Variants in SPDYE18 observed in about 807,000 individuals in gnomAD.
SPDYE18 encodes the protein speedy/RINGO cell cycle regulator family member E18, also known as speedy protein E18.
SPDYE18 carries 6 observed loss-of-function variants against 44.9 expected under a neutral mutation model. The ratio of observed to expected loss-of-function variants is 0.13; its 90% confidence interval spans 0.07 to 0.26. The LOEUF is 0.26. Among genes scored for constraint, SPDYE18 ranks in the 10% least tolerant of loss-of-function variants. The probability of loss-of-function intolerance (pLI) is 1.00; values close to 1 mark genes in which losing one functional copy is unlikely to be tolerated. For missense variants in SPDYE18, 121 were observed against 463.2 expected (o/e 0.26, Z 6.78); for synonymous variants, 35 against 177.1 (o/e 0.20, Z 6.37).
intron 6 of SPDYE18, among the ~76,000 whole-genome samples, chr7:77,054,960 G>A (rs1486753502): frequency 1.3e-5 from 2 of 152,176 alleles, no homozygotes; most frequent in East Asian, 1.9e-4. Context: ...TAGAGACGGG[G>A]TTTGGCCATG....
chr7:77,061,012 A>ACG (rs1296069257), intron 1 of SPDYE18, among the ~76,000 whole-genome samples, 79 bp from the exon 2 acceptor site: 13 of 130,908 alleles, frequency 9.9e-5, no homozygotes, highest in East Asian at 2.7e-4. Flanking sequence ...TGAGATTATC[A>ACG]TGTACAAGAG....
intron 2 of SPDYE18, among the ~76,000 whole-genome samples, chr7:77,060,104 TCC>T: frequency 6.7e-6 from 1 of 148,988 alleles, no homozygotes; most frequent in South Asian, 2.2e-4. Flanking sequence ...CAAGTGATTC[TCC>T]TGTCTCAGCC....
chr7:77,052,927 C>CCCAACTCCT, intron 7 of SPDYE18, 33 bp downstream of exon 7: 1 of 1,608,850 alleles, frequency 6.2e-7, no homozygotes, highest in African/African-American at 1.3e-5. Flanking sequence ...CCGATTCCTC[C>CCCAACTCCT]CCACCTCCTC....
intron 8 of SPDYE18, among the ~76,000 whole-genome samples, chr7:77,052,242 G>A (rs1308483992): frequency 6.6e-6 from 1 of 151,358 alleles, no homozygotes; most frequent in Non-Finnish European, 1.5e-5. Flanking sequence ...CATGCTAGAT[G>A]TGTTTCTAAT....
chr7:77,052,615 G>C (rs1306400228), intron 8 of SPDYE18, among the ~76,000 whole-genome samples, 118 bp downstream of exon 8: 2 of 152,292 alleles, frequency 1.3e-5, no homozygotes, highest in African/African-American at 2.4e-5. Context: ...TTGTATTTTT[G>C]TGGAGAGGGG....
intron 6 of SPDYE18, among the ~76,000 whole-genome samples, chr7:77,053,636 T>C (rs2117314428): frequency 6.6e-6 from 1 of 152,384 alleles, no homozygotes; most frequent in Admixed American, 6.5e-5. Context: ...GACCAGGAGT[T>C]GGAGACCAGC....
chr7:77,053,258 C>T (rs1789847821), intron 6 of SPDYE18, 55 bp from the exon 7 acceptor site: 3 of 1,606,900 alleles, frequency 1.9e-6, no homozygotes, highest in Non-Finnish European at 2.5e-6. Flanking sequence ...AGGCCTCCGG[C>T]TGAGGTCAGC....
rs1490722033 is a variant in SPDYE18 at position 77,051,458 on chromosome 7, C to A, written c.*467G>T. 3.3e-5 allele frequency among the ~76,000 whole-genome samples: 5 copies of A among 152,274 alleles called. No homozygotes were observed. Among genetic ancestry groups the A allele is most frequent in the Admixed American group, 6.5e-5 (1 of 15,290 alleles). ...AGAGTGTGCATGAAGCTATCTGTTA[C>A]AATCTGTGGCACTGATATTTCACAA... On this transcript the variant is annotated 3_prime_UTR_variant, in exon 9 of 9. Coordinates refer to ENST00000510091, the MANE Select transcript of SPDYE18 (RefSeq NM_001394953.1).
At chr7:77,060,007 C>A (rs1005605655) in intron 2 of SPDYE18, among the ~76,000 whole-genome samples, 2 of 143,770 alleles carry the variant, frequency 1.4e-5, no homozygotes, top group African/African-American at 5.3e-5. Context: ...GACCGCTGAC[C>A]CTTCTTTTCT....
In SPDYE18 at chr7:77,053,068, C is replaced by T. The variant is rs193157088; in HGVS notation, c.891G>A (p.Pro297=). Residue 297 remains proline, a synonymous_variant, in exon 7 of 9, where the codon CCG becomes CCA. Transcript: ENST00000510091. The part of the protein sequence containing the change: ...RRFQLCRCLN[P]RARKNRSQIA... The stretch of plus-strand genomic sequence containing the variant: ...TCTGAGAGCGGTTCTTCCTGGCCCT[C>T]GGGTTCAAGCAACGGCATAACTGGA... 531 of 1,614,180 alleles carry T rather than the reference C, an allele frequency of 3.3e-4. No individual in the cohort carries two copies. The highest frequency in any genetic ancestry group is 8.3e-4 in the Middle Eastern group (5 of 6,024).
At chr7:77,053,568 G>A (rs1378945167) in intron 6 of SPDYE18, among the ~76,000 whole-genome samples, 8 of 152,376 alleles carry the variant, frequency 5.3e-5, no homozygotes, top group East Asian at 1.9e-4. Flanking sequence ...TGCCAGACGC[G>A]GTGGCTCATG....
In SPDYE18 at chr7:77,051,037, A is replaced by G. The variant is rs1789784346; in HGVS notation, c.*888T>C. ...TTAGTATATATATCTGAGACATGTT[A>G]AAAATCACAACTGAATTCTCACAAT... On this transcript the variant is annotated 3_prime_UTR_variant, in exon 9 of 9. Transcript: ENST00000510091. Among the ~76,000 whole-genome samples the G allele has an allele frequency of 6.6e-6, 1 of 151,928 alleles. No homozygotes were observed. The highest frequency in any genetic ancestry group is 2.1e-4 in the South Asian group (1 of 4,836).
At chr7:77,057,153 T>C (rs1483403356) in intron 4 of SPDYE18, among the ~76,000 whole-genome samples, 3 of 152,296 alleles carry the variant, frequency 2.0e-5, no homozygotes, top group Admixed American at 1.3e-4. Context: ...TGCAGTGGCC[T>C]GATCTTGGCT....
intron 3 of SPDYE18, 128 bp downstream of exon 3, chr7:77,059,052 T>A: frequency 6.7e-7 from 1 of 1,493,964 alleles, no homozygotes; most frequent in Non-Finnish European, 8.9e-7. Context: ...TGATCACTTC[T>A]GAGTCCTCCT....
At chr7:77,054,892 C>T (rs1384109539) in intron 6 of SPDYE18, among the ~76,000 whole-genome samples, 5 of 152,196 alleles carry the variant, frequency 3.3e-5, no homozygotes, top group African/African-American at 1.2e-4. Flanking sequence ...CTCAGCCTCC[C>T]AAGTAGCTGG....
At chr7:77,054,654 G>A (rs1258310923) in intron 6 of SPDYE18, among the ~76,000 whole-genome samples, 1 of 152,224 alleles carries the variant, frequency 6.6e-6, no homozygotes, top group African/African-American at 2.4e-5. Context: ...CTGCTTGCTG[G>A]AGGAAGCGGC....
In SPDYE18 at chr7:77,060,436, G is replaced by C; in HGVS notation, c.77C>G (p.Pro26Arg). 6.5e-7 allele frequency: 1 copy of C among 1,535,490 alleles called. No homozygotes were observed. Among genetic ancestry groups the C allele is most frequent in the Non-Finnish European group, 8.7e-7 (1 of 1,146,830 alleles). Residue 26 changes from proline (P) to arginine (R), a missense_variant, in exon 2 of 9, where the codon CCC (proline) becomes CGC (arginine). By Grantham distance (103) the Pro-to-Arg change is moderately radical. Coordinates refer to ENST00000510091, the MANE Select transcript of SPDYE18 (RefSeq NM_001394953.1). Reference sequence around the variant, plus strand: ...CCGCTGGAGACTCTGCTCATTCTGGGGGTGCGGTTGACGGCTGGTCGTGAT... The same window carrying C: ...CCGCTGGAGACTCTGCTCATTCTGGCGGTGCGGTTGACGGCTGGTCGTGAT... ...GKITTSRQPH[P>R]QNEQSLQRST...
rs1406597578 is a variant in SPDYE18 at position 77,062,137 on chromosome 7, T to A, written c.-422+359A>T. On this transcript the variant is annotated intron_variant, in intron 1 of 8. Transcript: ENST00000510091. ...GAGCAAAACTCCATCTCAAAAAAAATAACCTGCGAGTGAGTTCCCACACGT... is the reference window on the plus strand; with the variant it reads ...GAGCAAAACTCCATCTCAAAAAAAAAAACCTGCGAGTGAGTTCCCACACGT... Among the ~76,000 whole-genome samples the A allele has an allele frequency of 8.9e-5, 12 of 134,840 alleles. 1 individual carries two copies. The Admixed American group carries it at 9.5e-4, about 11-fold the overall frequency. 88.5% of individuals were successfully genotyped at this position (134,840 alleles called of 152,430 possible). A position where few individuals can be genotyped will look rare whatever the true frequency, so the allele number is the denominator to read the frequency against.
At chr7:77,052,031 C>T (rs550505758) in intron 8 of SPDYE18, among the ~76,000 whole-genome samples, 152 bp from the exon 9 acceptor site, 6 of 133,448 alleles carry the variant, frequency 4.5e-5, no homozygotes, top group South Asian at 5.0e-4. Context: ...TCTGAACCAT[C>T]GTGTTCAACT....
Sources: allele counts gnomAD v4.1 joint callset (sites outside exome capture counted in the v4.1 genomes callset), GRCh38; gene constraint gnomAD v4.1.1; transcripts MANE v1.5; gene names NCBI Gene and HGNC (gene_info 2026-07-23, HGNC 2026-07-21).